The following SLC26A5 variants were observed in gnomAD, a reference collection of about 807,000 sequenced individuals.
SLC26A5 encodes solute carrier family 26 member 5.
Under a neutral mutation model 81.0 loss-of-function variants are expected in SLC26A5, and 51 were observed. The ratio of observed to expected loss-of-function variants is 0.63; its 90% confidence interval spans 0.50 to 0.80. The LOEUF is 0.80. Among genes scored for constraint, SLC26A5 ranks in the 30% least tolerant of loss-of-function variants. SLC26A5 has a pLI of 0.00. For synonymous variants in SLC26A5, 325 were observed against 332.8 expected (o/e 0.98, Z 0.25); for missense variants, 771 against 905.8 (o/e 0.85, Z 1.91).
intron 19 of SLC26A5, among the ~76,000 whole-genome samples, chr7:103,354,686 A>G (rs2116151594): frequency 6.6e-6 from 1 of 152,198 alleles, no homozygotes; most frequent in African/African-American, 2.4e-5. Context: ...TTCATTTGTT[A>G]TCTTGCATAA....
At position 103,367,590 on chromosome 7, in the gene SLC26A5, T is replaced by C; in HGVS notation, c.2041+9218A>G. Reference sequence around the variant, plus strand: ...AGGCCAGGGAGATTGGATAGAAAAATTGAATTTAGCTTGCCCGATCTAGAG... The same window carrying C: ...AGGCCAGGGAGATTGGATAGAAAAACTGAATTTAGCTTGCCCGATCTAGAG... On this transcript the variant is annotated intron_variant, in intron 19 of 19. Transcript: ENST00000339444. This position sits in a 1 kb window ranked among gnomAD's most constrained non-coding sequence, Gnocchi z 6.1. 1.2e-6 allele frequency: 2 copies of C among 1,614,076 alleles called. No homozygotes were observed. Among genetic ancestry groups the C allele is most frequent in the Non-Finnish European group, 1.7e-6 (2 of 1,179,992 alleles).
At chr7:103,444,647 C>T (rs571476672) in intron 1 of SLC26A5, among the ~76,000 whole-genome samples, 20 of 152,218 alleles carry the variant, frequency 1.3e-4, no homozygotes, top group Non-Finnish European at 2.4e-4. Flanking sequence ...TAATGAGGAA[C>T]GTGTAACTCT....
chr7:103,410,298 A>T, intron 7 of SLC26A5, 87 bp downstream of exon 7: 1 of 1,153,530 alleles, frequency 8.7e-7, no homozygotes, highest in Non-Finnish European at 1.3e-6. Context: ...AAGAAAAATG[A>T]GTCTTGAAAG....
chr7:103,421,318 T>G (rs753009221), intron 3 of SLC26A5, 45 bp downstream of exon 3: 1 of 1,608,888 alleles, frequency 6.2e-7, no homozygotes, highest in Non-Finnish European at 8.5e-7. Flanking sequence ...GCGCCTCTCA[T>G]AACTGAATGA....
rs1295199553 is a variant in SLC26A5 at position 103,388,997 on chromosome 7, T to C, written c.1514+11A>G. Reference sequence around the variant, plus strand: ...CGGGACATTCACACCCATTCCAATCTGGGCACTCACCTCTGTGTTCTGTAA... The same window carrying C: ...CGGGACATTCACACCCATTCCAATCCGGGCACTCACCTCTGTGTTCTGTAA... On this transcript the variant is annotated intron_variant, in intron 14 of 19. Coordinates refer to ENST00000306312, the MANE Select transcript of SLC26A5 (RefSeq NM_198999.3). 1 of 1,591,400 alleles carries C rather than the reference T, an allele frequency of 6.3e-7. No individual in the cohort carries two copies. The highest frequency in any genetic ancestry group is 8.6e-7 in the Non-Finnish European group (1 of 1,159,888).
At chr7:103,409,484 A>AT (rs1824306355) in intron 7 of SLC26A5, among the ~76,000 whole-genome samples, 1 of 151,944 alleles carries the variant, frequency 6.6e-6, no homozygotes, top group East Asian at 1.9e-4. Context: ...TTAGTTTTTG[A>AT]TTTTTTTATT....
In SLC26A5 at chr7:103,420,728, A is replaced by ATC. The variant is rs112791865; in HGVS notation, c.292+8_292+9dup. The ATC allele has an allele frequency of 5.6e-4, 907 of 1,613,984 alleles. 8 individuals are homozygous for ATC. In the African/African-American group the frequency reaches 0.01, roughly 19 times the overall value. ...ACAGCAAGGGGGGAAAGAAAGAAAG[A>ATC]TCTACTGACCTTGAGGAAGCTGAAG... is the stretch of plus-strand genomic sequence containing the variant. On this transcript the variant is annotated intron_variant, in intron 4 of 19. Transcript: ENST00000306312.
rs962748859 is a variant in SLC26A5 at position 103,411,594 on chromosome 7, A to T, written c.404-8T>A. On this transcript the variant is annotated splice_region_variant and splice_polypyrimidine_tract_variant and intron_variant, in intron 5 of 19. Coordinates refer to ENST00000306312, the MANE Select transcript of SLC26A5 (RefSeq NM_198999.3). ...TAATAACAGCAAAAGGACCTGAAAT[A>T]ATGAAGCATGAAGATCCCTGTTCAG... 23 of 1,614,130 alleles carry T rather than the reference A, an allele frequency of 1.4e-5. No homozygotes were observed. The highest frequency in any genetic ancestry group is 1.9e-5 in the Non-Finnish European group (23 of 1,179,986).
At chr7:103,369,598 C>T (rs1412992283), downstream of SLC26A5, among the ~76,000 whole-genome samples, 2 of 152,180 alleles carry the variant, frequency 1.3e-5, no homozygotes, top group Non-Finnish European at 2.9e-5. Flanking sequence ...TCTGTCAAGG[C>T]ATATTTATGC....
chr7:103,436,212 A>G (rs1486824395), intron 2 of SLC26A5, among the ~76,000 whole-genome samples: 1 of 152,070 alleles, frequency 6.6e-6, no homozygotes. Flanking sequence ...TAGTTAAGAT[A>G]TTTTCTGTTA....
intron 14 of SLC26A5, among the ~76,000 whole-genome samples, chr7:103,386,078 C>A (rs1298377829): frequency 6.6e-6 from 1 of 151,964 alleles, no homozygotes; most frequent in African/African-American, 2.4e-5. Flanking sequence ...CAGGTGTGCA[C>A]CACCACACCC....
At chr7:103,404,779 C>T (rs1823896430) in intron 8 of SLC26A5, among the ~76,000 whole-genome samples, 1 of 152,120 alleles carries the variant, frequency 6.6e-6, no homozygotes, top group Non-Finnish European at 1.5e-5. Context: ...AGAGTGTTTT[C>T]CAACTTGGTT....
exon 20 of SLC26A5, chr7:103,352,838 C>T (rs1323743695): frequency 3.8e-6 from 3 of 780,574 alleles, no homozygotes; most frequent in Non-Finnish European, 7.2e-6. Context: ...GCATTCAAAC[C>T]CTGTCCACCT....
chr7:103,391,873 C>A lies in SLC26A5; in HGVS notation c.1120-138G>T, dbSNP rs897114333. ...CTTTCAGATGTAAGAATTTGTTCAG[C>A]ATGAGTTCAAAATAGGAATTATGGC... On this transcript the variant is annotated intron_variant, in intron 10 of 19. Transcript: ENST00000306312. The A allele has an allele frequency of 1.2e-5, 9 of 743,242 alleles. No homozygotes were observed. In the East Asian group the frequency reaches 1.9e-4, roughly 16 times the overall value. 46.0% of individuals were successfully genotyped at this position (743,242 alleles called of 1,614,324 possible). A position where few individuals can be genotyped will look rare whatever the true frequency, so the allele number is the denominator to read the frequency against.
At chr7:103,387,474 G>A (rs1822287099) in intron 14 of SLC26A5, among the ~76,000 whole-genome samples, 1 of 152,210 alleles carries the variant, frequency 6.6e-6, no homozygotes, top group Non-Finnish European at 1.5e-5. Flanking sequence ...GAAGGGCACT[G>A]GCATTGGTAG....
rs568386110 is a variant in SLC26A5, at chr7:103,400,416, T to C, written c.889-2402A>G. Reference sequence around the variant, plus strand: ...AGCCTTTGCCCACTTTTTCATAGGGTTGTTTTTTTCTTGTAAATTTGTTTA... The same window carrying C: ...AGCCTTTGCCCACTTTTTCATAGGGCTGTTTTTTTCTTGTAAATTTGTTTA... On this transcript the variant is annotated intron_variant, in intron 8 of 19. Transcript: ENST00000306312. 4.6e-5 allele frequency among the ~76,000 whole-genome samples: 7 copies of C among 152,300 alleles called. No individual in the cohort carries two copies. In the East Asian group the frequency reaches 9.6e-4, roughly 21 times the overall value.
At chr7:103,363,531 T>C (rs1820529932) in intron 19 of SLC26A5, 1 of 1,141,438 alleles carries the variant, frequency 8.8e-7, no homozygotes, top group African/African-American at 1.5e-5. Flanking sequence ...AGATGGCTTT[T>C]AATATTTTCC....
intron 8 of SLC26A5, among the ~76,000 whole-genome samples, chr7:103,404,539 C>G (rs1458347144): frequency 1.3e-5 from 2 of 152,210 alleles, no homozygotes; most frequent in African/African-American, 2.4e-5. Context: ...AGGGTGTCTG[C>G]AGATAGATCC....
At chr7:103,418,009 G>A (rs1825061498) in intron 4 of SLC26A5, among the ~76,000 whole-genome samples, 2 of 152,100 alleles carry the variant, frequency 1.3e-5, no homozygotes, top group South Asian at 2.1e-4. Context: ...TCCAGTGTTG[G>A]GATTACAGGT....
Sources: gnomAD v4.1 joint callset for allele counts (sites outside exome capture counted in the v4.1 genomes callset) on GRCh38, gnomAD v4.1.1 for gene constraint, Gnocchi (gnomAD v3.1) non-coding constraint, MANE v1.5 for transcripts, NCBI Gene and HGNC (gene_info 2026-07-23, HGNC 2026-07-21) for gene names.